ADARB2: variants seen among roughly 807,000 people sequenced by gnomAD.
ADARB2 encodes the protein adenosine deaminase RNA specific B2 (inactive).
Under a neutral mutation model 62.2 loss-of-function variants are expected in ADARB2, and 25 were observed. The ratio of observed to expected loss-of-function variants is 0.40; its 90% CI spans 0.29 to 0.56. The LOEUF (loss-of-function observed/expected upper bound fraction) is 0.56. Among genes scored for constraint, ADARB2 ranks in the 20% least tolerant of loss-of-function variants. The probability of loss-of-function intolerance (pLI) is 0.43; values close to 1 mark genes in which losing one functional copy is unlikely to be tolerated. For missense variants in ADARB2, 1,071 were observed against 1,077.4 expected (o/e 0.99, Z 0.08); for synonymous variants, 572 against 500.8 (o/e 1.14, Z -1.90).
At chr10:1,376,609 A>G (rs755448761) in intron 2 of ADARB2, among the ~76,000 whole-genome samples, 24 of 152,160 alleles carry the variant, frequency 1.6e-4, no homozygotes, top group Admixed American at 7.2e-4. Context: ...CCATGTAGTC[A>G]GGTGGTTTAT....
intron 1 of ADARB2, among the ~76,000 whole-genome samples, chr10:1,504,564 G>A (rs1437980444): frequency 1.3e-5 from 2 of 152,182 alleles, no homozygotes; most frequent in Non-Finnish European, 2.9e-5. Flanking sequence ...GCGTGGGCCT[G>A]GACGTTCACA....
chr10:1,646,896 C>T (rs1418463915), intron 1 of ADARB2, among the ~76,000 whole-genome samples: 5 of 152,192 alleles, frequency 3.3e-5, no homozygotes, highest in Non-Finnish European at 5.9e-5. Flanking sequence ...CCAGTGCCTG[C>T]GTGCCTGCGA....
chr10:1,457,832 G>A (rs960612426), intron 1 of ADARB2, among the ~76,000 whole-genome samples: 2 of 139,386 alleles, frequency 1.4e-5, no homozygotes, highest in East Asian at 2.0e-4. Flanking sequence ...TGACCAGCTC[G>A]TCTTCATAGG....
At chr10:1,369,336 C>T (rs1030600212) in intron 2 of ADARB2, among the ~76,000 whole-genome samples, 4 of 152,200 alleles carry the variant, frequency 2.6e-5, no homozygotes, top group South Asian at 2.1e-4. Context: ...GTCTTAGATC[C>T]GAATTCCTGC....
intron 3 of ADARB2, among the ~76,000 whole-genome samples, chr10:1,313,178 T>C (rs1205796309): frequency 1.3e-5 from 2 of 151,976 alleles, no homozygotes; most frequent in Non-Finnish European, 2.9e-5. Flanking sequence ...CAGGGTCTTA[T>C]CTGTGTGGGG....
At chr10:1,708,208 A>G (rs925828879) in intron 1 of ADARB2, among the ~76,000 whole-genome samples, 3 of 152,120 alleles carry the variant, frequency 2.0e-5, no homozygotes, top group Non-Finnish European at 2.9e-5. Context: ...ATGCCTGTTC[A>G]AAGTGGAAGA....
chr10:1,327,409 C>T (rs112473714), intron 3 of ADARB2, among the ~76,000 whole-genome samples: 8 of 47,722 alleles, frequency 1.7e-4, no homozygotes, highest in South Asian at 6.4e-4. Flanking sequence ...CAGCGCCTCC[C>T]CACTGCCCAG....
chr10:1,564,099 A>C (rs1416823716), intron 1 of ADARB2, among the ~76,000 whole-genome samples: 3 of 152,074 alleles, frequency 2.0e-5, no homozygotes, highest in African/African-American at 7.3e-5. Flanking sequence ...ATACGTGTGC[A>C]GGTGTCTTTA....
chr10:1,416,515 C>T (rs1329691579), intron 1 of ADARB2, among the ~76,000 whole-genome samples: 1 of 152,232 alleles, frequency 6.6e-6, no homozygotes, highest in Non-Finnish European at 1.5e-5. Flanking sequence ...CTCTCTCCCT[C>T]TGTTGATTCA....
At chr10:1,533,911 T>C (rs933190756) in intron 1 of ADARB2, among the ~76,000 whole-genome samples, 1 of 152,142 alleles carries the variant, frequency 6.6e-6, no homozygotes, top group Non-Finnish European at 1.5e-5. Context: ...GTTTTTAACG[T>C]AATCATTTAG....
chr10:1,530,231 G>A (rs17156451), intron 1 of ADARB2, among the ~76,000 whole-genome samples: 8,915 of 152,258 alleles, frequency 0.059, 836 homozygotes, highest in African/African-American at 0.2. Context: ...CGACCGAAAC[G>A]CCCCTCTCAG....
chr10:1,669,414 A>G (rs2119098833), intron 1 of ADARB2, among the ~76,000 whole-genome samples: 1 of 152,180 alleles, frequency 6.6e-6, no homozygotes, highest in East Asian at 1.9e-4. Context: ...ACATAGAGAC[A>G]CACACAGACA....
intron 1 of ADARB2, among the ~76,000 whole-genome samples, chr10:1,733,585 A>G (rs1835261038): frequency 6.6e-6 from 1 of 152,178 alleles, no homozygotes; most frequent in South Asian, 2.1e-4. Context: ...TATATACTCT[A>G]CTGTTTTGTT....
At chr10:1,208,379 C>T (rs917609084) in intron 7 of ADARB2, among the ~76,000 whole-genome samples, 2 of 152,200 alleles carry the variant, frequency 1.3e-5, no homozygotes, top group South Asian at 4.1e-4. Context: ...GGTGCCACCC[C>T]CCGGGGTCCC....
chr10:1,322,069 A>T (rs1831800719), intron 3 of ADARB2, among the ~76,000 whole-genome samples: 1 of 152,082 alleles, frequency 6.6e-6, no homozygotes, highest in Non-Finnish European at 1.5e-5. Context: ...CTCAGGAGAC[A>T]CCAGTTGGTA....
intron 3 of ADARB2, among the ~76,000 whole-genome samples, chr10:1,341,769 C>T (rs1427179484): frequency 1.3e-5 from 2 of 152,140 alleles, no homozygotes; most frequent in Non-Finnish European, 2.9e-5. Context: ...AACAAAGTGT[C>T]CCTCAGTGGT....
At chr10:1,270,912 C>G (rs1478242910) in intron 4 of ADARB2, 43 bp downstream of exon 4, 13 of 1,562,062 alleles carry the variant, frequency 8.3e-6, no homozygotes, top group Non-Finnish European at 1.1e-5. Context: ...ATGCTCCTTT[C>G]TTTAGAGATG....
chr10:1,219,049 C>CAA (rs58282140), intron 6 of ADARB2, among the ~76,000 whole-genome samples: 3,157 of 103,332 alleles, frequency 0.031, 159 homozygotes, highest in African/African-American at 0.1. Flanking sequence ...GACTACGTCT[C>CAA]AAAAAAAAAA....
chr10:1,241,902 C>T (rs754811940), intron 5 of ADARB2, among the ~76,000 whole-genome samples: 5 of 152,180 alleles, frequency 3.3e-5, no homozygotes, highest in East Asian at 1.9e-4. Flanking sequence ...TGGAGGGAAA[C>T]GTGGAGTAAG....
Sources: allele counts gnomAD v4.1 joint callset (sites outside exome capture counted in the v4.1 genomes callset), GRCh38; gene constraint gnomAD v4.1.1; transcripts MANE v1.5; gene names NCBI Gene and HGNC (gene_info 2026-07-23, HGNC 2026-07-21).